The following MALRD1 variants were observed in gnomAD, a reference collection of about 807,000 sequenced individuals.
MALRD1 encodes MAM and LDL receptor class A domain containing 1, also known as MAM and LDL-receptor class A domain-containing protein 1.
MALRD1 carries 247 observed loss-of-function variants against 242.1 expected under a neutral mutation model. The ratio of observed to expected loss-of-function variants is 1.02; its 90% CI spans 0.92 to 1.13. MALRD1 has a LOEUF of 1.13. Among genes scored for constraint, MALRD1 ranks in the 50% most tolerant of loss-of-function variants. MALRD1 has a pLI of 0.00. For missense variants in MALRD1, 2,989 were observed against 2,533.1 expected (o/e 1.18, Z -3.86); for synonymous variants, 995 against 866.6 (o/e 1.15, Z -2.60).
At chr10:19,598,854 G>A (rs1838226752) in intron 34 of MALRD1, among the ~76,000 whole-genome samples, 1 of 152,040 alleles carries the variant, frequency 6.6e-6, no homozygotes, top group African/African-American at 2.4e-5. Flanking sequence ...GAGAAGATGT[G>A]GTCCTAGACA....
chr10:19,419,383 C>A (rs893188960), intron 28 of MALRD1, among the ~76,000 whole-genome samples: 1 of 152,296 alleles, frequency 6.6e-6, no homozygotes, highest in East Asian at 1.9e-4. Flanking sequence ...TAACCTCCAC[C>A]TCCCGGGTTC....
intron 32 of MALRD1, among the ~76,000 whole-genome samples, chr10:19,543,433 C>CTTTTTTTTTTTTTTTTTTTTTTT (rs71388849): frequency 2.8e-5 from 3 of 106,410 alleles, no homozygotes; most frequent in African/African-American, 1.0e-4. Context: ...CAGCTGATTT[C>CTTTTTTTTTTTTTTTTTTTTTTT]TTTTTTTTTT....
intron 4 of MALRD1, among the ~76,000 whole-genome samples, chr10:19,103,195 C>T (rs192751368): frequency 1.2e-4 from 18 of 151,978 alleles, no homozygotes; most frequent in East Asian, 1.9e-4. Context: ...CATTTCCAGT[C>T]GATGTTTAGA....
At chr10:19,729,272 A>G (rs1021715799) in intron 38 of MALRD1, among the ~76,000 whole-genome samples, 2 of 152,236 alleles carry the variant, frequency 1.3e-5, no homozygotes, top group Non-Finnish European at 1.5e-5. Context: ...GCCTATGGCA[A>G]TTTGTTTTCA....
chr10:19,541,926 A>G (rs778063613), intron 32 of MALRD1, among the ~76,000 whole-genome samples: 6 of 152,224 alleles, frequency 3.9e-5, no homozygotes, highest in Non-Finnish European at 7.3e-5. Flanking sequence ...TTTGCTATTA[A>G]AATATAAATT....
At position 19,146,311 on chromosome 10, in the gene MALRD1, C is replaced by T. The variant is rs1271329005; in HGVS notation, c.1525C>T (p.Pro509Ser). The part of the protein sequence containing the change: ...KGLNNGEHHF[P>S]AADHTANINH... ...ATTGAATAATGGAGAGCACCACTTT[C>T]CTGCAGCTGATCACACAGCAAACAT... Residue 509 changes from proline to serine, a missense_variant, in exon 11 of 40, where the codon CCT becomes TCT. Physicochemically the swap from Pro to Ser is moderately conservative, Grantham distance 74. Coordinates refer to ENST00000454679, the MANE Select transcript of MALRD1 (RefSeq NM_001142308.3). 2 of 1,231,484 alleles carry T rather than the reference C, an allele frequency of 1.6e-6. No individual in the cohort carries two copies. The highest frequency in any genetic ancestry group is 1.0e-6 in the Non-Finnish European group (1 of 987,904). 76.3% of individuals were successfully genotyped at this position (1,231,484 alleles called of 1,614,324 possible). A position where few individuals can be genotyped will look rare whatever the true frequency, so the allele number is the denominator to read the frequency against.
chr10:19,414,071 C>T lies in MALRD1; in HGVS notation c.4845+24462C>T, dbSNP rs181019394. Among the ~76,000 whole-genome samples, 6 of 151,054 alleles carry T rather than the reference C, an allele frequency of 4.0e-5. No individual in the cohort carries two copies. In the East Asian group the frequency reaches 9.7e-4, roughly 24 times the overall value. Reference sequence around the variant, plus strand: ...ACAAAAAAAAAAAGTTCAATTTCCTCTTAAATGTAGTAGATCATTTAGTAG... The same window carrying T: ...ACAAAAAAAAAAAGTTCAATTTCCTTTTAAATGTAGTAGATCATTTAGTAG... On this transcript the variant is annotated intron_variant, in intron 28 of 39. Coordinates refer to ENST00000454679, the MANE Select transcript of MALRD1 (RefSeq NM_001142308.3).
intron 34 of MALRD1, among the ~76,000 whole-genome samples, chr10:19,598,775 T>C (rs780209893): frequency 9.3e-5 from 14 of 150,898 alleles, no homozygotes; most frequent in Non-Finnish European, 1.9e-4. Context: ...AGGATAGAGA[T>C]AAAGTGGCAG....
chr10:19,064,101 C>A (rs537052471), intron 1 of MALRD1, among the ~76,000 whole-genome samples: 32 of 152,252 alleles, frequency 2.1e-4, no homozygotes, highest in Non-Finnish European at 1.5e-5. Flanking sequence ...TCCAAGCAAC[C>A]TTCCAATCCT....
chr10:19,477,546 C>A (rs1378677059), intron 29 of MALRD1, among the ~76,000 whole-genome samples: 1 of 152,078 alleles, frequency 6.6e-6, no homozygotes, highest in Admixed American at 6.6e-5. Flanking sequence ...GGGCAAACAC[C>A]TGGGGTTCAT....
chr10:19,192,441 A>T (rs1320340788), intron 14 of MALRD1, among the ~76,000 whole-genome samples: 1 of 152,238 alleles, frequency 6.6e-6, no homozygotes, highest in Non-Finnish European at 1.5e-5. Context: ...GTAAGGAGCC[A>T]CATGAAAAGA....
chr10:19,620,412 G>A (rs756609276), intron 36 of MALRD1, among the ~76,000 whole-genome samples: 17 of 152,018 alleles, frequency 1.1e-4, no homozygotes, highest in Non-Finnish European at 1.6e-4. Context: ...ACGTCTAACC[G>A]TTAAAAACTT....
intron 21 of MALRD1, among the ~76,000 whole-genome samples, chr10:19,300,066 A>T (rs1841877443): frequency 6.6e-6 from 1 of 151,978 alleles, no homozygotes. Flanking sequence ...ACATTTCTAT[A>T]TGCCAACAAC....
intron 31 of MALRD1, among the ~76,000 whole-genome samples, chr10:19,517,001 A>C (rs761900001): frequency 1.7e-4 from 26 of 152,192 alleles, no homozygotes; most frequent in Admixed American, 2.0e-4. Context: ...TTAAAACAAA[A>C]GTAAGGCTTT....
intron 38 of MALRD1, among the ~76,000 whole-genome samples, chr10:19,697,288 A>G (rs1051646904): frequency 6.6e-6 from 1 of 152,120 alleles, no homozygotes; most frequent in Admixed American, 6.5e-5. Context: ...TAAAATCTAC[A>G]GGGCAAACCA....
intron 5 of MALRD1, among the ~76,000 whole-genome samples, chr10:19,110,339 C>T (rs921128673): frequency 3.3e-5 from 5 of 152,176 alleles, no homozygotes; most frequent in African/African-American, 4.8e-5. Context: ...ACAGCTGCTT[C>T]TAACACTGGA....
chr10:19,095,225 TA>T (rs1835981573), intron 4 of MALRD1, among the ~76,000 whole-genome samples: 1 of 152,242 alleles, frequency 6.6e-6, no homozygotes, highest in Non-Finnish European at 1.5e-5. Flanking sequence ...ATATTCATTG[TA>T]AAAGTTGAAT....
intron 28 of MALRD1, among the ~76,000 whole-genome samples, chr10:19,427,787 C>A (rs1271002601): frequency 1.3e-5 from 2 of 151,976 alleles, no homozygotes; most frequent in Non-Finnish European, 2.9e-5. Context: ...ATAGAACATA[C>A]CTACATGAGG....
rs773920704 is a variant in MALRD1, at chr10:19,352,273, G to A, written c.4417G>A (p.Glu1473Lys). The change falls in exon 26 of 40, where the codon GAA (glutamate) becomes AAA (lysine). Residue 1473 changes from glutamate (E) to lysine (K), a missense_variant. Coordinates refer to ENST00000454679, the MANE Select transcript of MALRD1 (RefSeq NM_001142308.3). The stretch of plus-strand genomic sequence containing the variant: ...ATCACTCCATGATTCCGTGCAAGAA[G>A]AACTGGCAGTGCCTCTTCCAACAGG... ...CLSLHDSVQE[E>K]LAVPLPTGFC... 1.8e-5 allele frequency: 28 copies of A among 1,549,322 alleles called. No homozygotes were observed. Among genetic ancestry groups the A allele is most frequent in the African/African-American group, 2.8e-5 (2 of 72,662 alleles).
Sources: gnomAD v4.1 joint callset for allele counts (sites outside exome capture counted in the v4.1 genomes callset) on GRCh38, gnomAD v4.1.1 for gene constraint, MANE v1.5 for transcripts, NCBI Gene and HGNC (gene_info 2026-07-23, HGNC 2026-07-21) for gene names.